Variants in C6 observed in about 807,000 individuals in gnomAD.
C6 encodes complement component C6.
In C6, 101 loss-of-function variants were observed where a neutral mutation model predicts 112.9. The observed-to-expected ratio is 0.89, with a 90% CI of 0.76 to 1.06. The LOEUF is 1.06. Among genes scored for constraint, C6 ranks in the 50% least tolerant of loss-of-function variants. The pLI, the probability that C6 is intolerant of heterozygous loss-of-function variation, is 0.00. For missense variants in C6, 1,202 were observed against 1,104.6 expected (o/e 1.09, Z -1.25); for synonymous variants, 431 against 384.1 (o/e 1.12, Z -1.43).
chr5:41,205,852 A>G (rs961920068), intron 1 of C6, among the ~76,000 whole-genome samples: 2 of 152,226 alleles, frequency 1.3e-5, no homozygotes, highest in African/African-American at 4.8e-5. Flanking sequence ...TCCCTGTCTG[A>G]CAGCCTTGAA....
At chr5:41,194,997 T>C (rs1430061699) in intron 5 of C6, among the ~76,000 whole-genome samples, 1 of 152,204 alleles carries the variant, frequency 6.6e-6, no homozygotes, top group Non-Finnish European at 1.5e-5. Context: ...TTTTGAAGTC[T>C]GGATTTGAAT....
chr5:41,222,192 G>A (rs1307359694), intron 1 of C6, among the ~76,000 whole-genome samples: 1 of 150,582 alleles, frequency 6.6e-6, no homozygotes, highest in Non-Finnish European at 1.5e-5. Flanking sequence ...AAAAAGAAAA[G>A]TAATTTTGTA....
At chr5:41,253,058 C>A (rs1292164981) in intron 1 of C6, among the ~76,000 whole-genome samples, 1 of 152,140 alleles carries the variant, frequency 6.6e-6, no homozygotes, top group Non-Finnish European at 1.5e-5. Context: ...TAAACTTCTT[C>A]AAATATTTTT....
chr5:41,159,346 C>T, intron 11 of C6, 93 bp from the exon 12 acceptor site: 3 of 1,519,404 alleles, frequency 2.0e-6, no homozygotes, highest in Non-Finnish European at 2.7e-6. Context: ...CTTTTTAGCT[C>T]AGTAACTTCC....
At chr5:41,147,902 G>A (rs984018216) in intron 17 of C6, among the ~76,000 whole-genome samples, 4 of 152,136 alleles carry the variant, frequency 2.6e-5, no homozygotes, top group African/African-American at 4.8e-5. Context: ...AATGGAAATA[G>A]AATGCTACTC....
intron 9 of C6, among the ~76,000 whole-genome samples, chr5:41,169,428 C>T (rs1748250498): frequency 6.6e-6 from 1 of 152,106 alleles, no homozygotes; most frequent in African/African-American, 2.4e-5. Flanking sequence ...AACTGAAACC[C>T]AGAACGGCTG....
At chr5:41,242,862 A>G (rs1435712827) in intron 1 of C6, among the ~76,000 whole-genome samples, 2 of 151,030 alleles carry the variant, frequency 1.3e-5, no homozygotes, top group Admixed American at 1.3e-4. Context: ...GAATTGAAAA[A>G]CATTATGCTA....
intron 5 of C6, among the ~76,000 whole-genome samples, chr5:41,189,548 G>A (rs1472826250): frequency 6.6e-6 from 1 of 151,934 alleles, no homozygotes; most frequent in Non-Finnish European, 1.5e-5. Flanking sequence ...ACGTAGTGAT[G>A]TTTAGATACA....
intron 6 of C6, among the ~76,000 whole-genome samples, chr5:41,185,549 C>T (rs1303616019): frequency 1.3e-5 from 2 of 152,080 alleles, no homozygotes; most frequent in Non-Finnish European, 2.9e-5. Flanking sequence ...GTATGCTGCT[C>T]ATTATAATTT....
intron 1 of C6, among the ~76,000 whole-genome samples, chr5:41,239,828 C>T (rs1740585823): frequency 6.6e-6 from 1 of 152,050 alleles, no homozygotes; most frequent in Admixed American, 6.6e-5. Flanking sequence ...TTTTGCTTGT[C>T]TAGGAAAGGC....
intron 16 of C6, 56 bp from the exon 17 acceptor site, chr5:41,149,538 G>T (rs1276662913): frequency 4.4e-6 from 7 of 1,606,288 alleles, no homozygotes; most frequent in Admixed American, 3.3e-5. Flanking sequence ...AAAACAGGGG[G>T]CACGTAGCCA....
chr5:41,217,336 CA>C (rs749360201), upstream of C6, among the ~76,000 whole-genome samples: 9 of 152,082 alleles, frequency 5.9e-5, no homozygotes, highest in Non-Finnish European at 1.2e-4. Context: ...TTAATAGATT[CA>C]AAGTTCCTTT....
chr5:41,158,835 T>A, intron 12 of C6, 50 bp from the exon 13 acceptor site: 3 of 1,094,508 alleles, frequency 2.7e-6, no homozygotes, highest in Non-Finnish European at 4.2e-6. Flanking sequence ...GTACACACAT[T>A]TACATGTGTG....
chr5:41,145,157 G>A (rs1250006607), intron 17 of C6, among the ~76,000 whole-genome samples: 1 of 152,164 alleles, frequency 6.6e-6, no homozygotes, highest in Non-Finnish European at 1.5e-5. Context: ...AAGGAATTCT[G>A]TTTTAAGTTC....
chr5:41,235,477 T>A (rs1021456373), intron 1 of C6, among the ~76,000 whole-genome samples: 1 of 142,800 alleles, frequency 7.0e-6, no homozygotes, highest in African/African-American at 2.7e-5. Flanking sequence ...AGTCTATCAT[T>A]GTTGGACATT....
At chr5:41,202,984 G>GAT (rs759438403) in intron 2 of C6, 104 bp downstream of exon 2, 2 of 1,089,238 alleles carry the variant, frequency 1.8e-6, no homozygotes, top group Non-Finnish European at 2.8e-6. Flanking sequence ...TTCTTACTTT[G>GAT]ATATATATAT....
rs868607403 is a variant in C6 at position 41,213,507 on chromosome 5, G to A, written c.-152C>T. 1 of 984,996 alleles carries A rather than the reference G, an allele frequency of 1.0e-6. No homozygotes were observed. Among genetic ancestry groups the A allele is most frequent in the Admixed American group, 6.2e-5 (1 of 16,238 alleles). 61.0% of individuals were successfully genotyped at this position (984,996 alleles called of 1,614,324 possible). Reference sequence around the variant, plus strand: ...TTTTCTTATTGCTAGCTAACACAAGGCAATGCTGTCATATCCCAGAAGCCT... The same window carrying A: ...TTTTCTTATTGCTAGCTAACACAAGACAATGCTGTCATATCCCAGAAGCCT... On this transcript the variant is annotated 5_prime_UTR_variant, in exon 1 of 18. Coordinates refer to ENST00000337836, the MANE Select transcript of C6 (RefSeq NM_000065.5).
upstream of C6, among the ~76,000 whole-genome samples, chr5:41,217,012 A>G (rs1459838221): frequency 2.6e-5 from 4 of 152,124 alleles, no homozygotes; most frequent in African/African-American, 9.7e-5. Flanking sequence ...CATCTAGCCA[A>G]ATTGGATAAC....
At chr5:41,144,920 GT>G (rs1473115497) in intron 17 of C6, among the ~76,000 whole-genome samples, 4 of 152,128 alleles carry the variant, frequency 2.6e-5, no homozygotes, top group Non-Finnish European at 5.9e-5. Flanking sequence ...TGATCTCATT[GT>G]TTTTTATGGC....
Sources: gnomAD v4.1 joint callset for allele counts (sites outside exome capture counted in the v4.1 genomes callset) on GRCh38, gnomAD v4.1.1 for gene constraint, MANE v1.5 for transcripts, NCBI Gene and HGNC (gene_info 2026-07-23, HGNC 2026-07-21) for gene names.